The following ZHX1 variants were observed in gnomAD, a reference collection of about 807,000 sequenced individuals.
ZHX1 encodes the protein zinc fingers and homeoboxes protein 1.
A neutral mutation model predicts 61.8 loss-of-function variants in ZHX1; 20 were observed. The ratio of observed to expected loss-of-function variants is 0.32; its 90% CI spans 0.23 to 0.47. The LOEUF is 0.47. Ranked by LOEUF, ZHX1 falls within the 20% of genes least tolerant of loss-of-function variation. The probability of loss-of-function intolerance (pLI) is 1.00; values close to 1 mark genes in which losing one functional copy is unlikely to be tolerated. For synonymous variants in ZHX1, 318 were observed against 352.6 expected (o/e 0.90, Z 1.10); for missense variants, 800 against 1,034.8 (o/e 0.77, Z 3.11).
chr8:123,260,523 G>A (rs1226370732), intron 2 of ZHX1, among the ~76,000 whole-genome samples: 7 of 151,408 alleles, frequency 4.6e-5, no homozygotes, highest in African/African-American at 1.5e-4. Flanking sequence ...ACTTGAACTC[G>A]GGAGGTGGAG....
chr8:123,253,700 T>C lies in ZHX1; in HGVS notation c.2247A>G (p.Lys749=). The C allele has an allele frequency of 6.2e-7, 1 of 1,614,218 alleles. No homozygotes were observed. Among genetic ancestry groups the C allele is most frequent in the Non-Finnish European group, 8.5e-7 (1 of 1,180,020 alleles). ...CACGCGGTCTTCCTCTTCCCCGTCC[T>C]TTGGGTCTCCCTCTCCCTCTTTTCC... ...SLRKRGRGRP[K]GRGRGRPRGR... is the part of the protein sequence containing the mutation. Residue 749 remains lysine, a synonymous_variant, in exon 3 of 4, where the codon AAA becomes AAG. Transcript: ENST00000395571.
At chr8:123,266,267 A>G (rs1298918070) in intron 2 of ZHX1, among the ~76,000 whole-genome samples, 1 of 152,238 alleles carries the variant, frequency 6.6e-6, no homozygotes, top group Non-Finnish European at 1.5e-5. Context: ...AGTCTAACAC[A>G]AGAATGCTAT....
chr8:123,250,241 G>A lies in ZHX1; in HGVS notation c.*83C>T, dbSNP rs1825882262. ...GTGTATGCCCCAAAACGTTTTCAAT[G>A]TCATCAAAGATTGGGCAAATTCACA... On this transcript the variant is annotated 3_prime_UTR_variant, in exon 4 of 4. Coordinates refer to ENST00000395571, the MANE Select transcript of ZHX1 (RefSeq NM_007222.5). The A allele has an allele frequency of 2.2e-6, 1 of 453,854 alleles. No homozygotes were observed. Among genetic ancestry groups the A allele is most frequent in the South Asian group, 1.6e-5 (1 of 64,086 alleles). The allele number at this position is 453,854 out of a possible 1,614,324, so 28.1% of individuals were successfully genotyped here. A position where few individuals can be genotyped will look rare whatever the true frequency, so the allele number is the denominator to read the frequency against.
chr8:123,250,731 A>C (rs1825894244), intron 3 of ZHX1, among the ~76,000 whole-genome samples: 1 of 152,250 alleles, frequency 6.6e-6, no homozygotes, highest in African/African-American at 2.4e-5. Context: ...TAAATTGAAC[A>C]ATATTTAAAT....
chr8:123,264,994 G>A (rs1429884394), intron 2 of ZHX1, among the ~76,000 whole-genome samples: 1 of 150,426 alleles, frequency 6.6e-6, no homozygotes, highest in African/African-American at 2.4e-5. Context: ...TTTGAGACCA[G>A]CCTGGCCAAC....
rs1327228140 is a variant in ZHX1 at position 123,254,141 on chromosome 8, C to T, written c.1806G>A (p.Arg602=). Residue 602 remains arginine, a synonymous_variant, in exon 3 of 4, where the codon AGG becomes AGA. Transcript: ENST00000395571. This position sits in a 1 kb window ranked among gnomAD's most constrained non-coding sequence, Gnocchi z 4.1. ...CTCTTCTGGTAAGTTTGGTTTGTGC[C>T]CTTAACCTATTTAATTCTTCATCTG... ...VLTDEELNRL[R]AQTKLTRREI... is the part of the protein sequence containing the mutation. 4.3e-6 allele frequency: 7 copies of T among 1,614,060 alleles called. No homozygotes were observed. The South Asian group carries it at 7.7e-5, about 18-fold the overall frequency.
intron 2 of ZHX1, among the ~76,000 whole-genome samples, chr8:123,259,036 T>C (rs1194231423): frequency 6.6e-6 from 1 of 152,186 alleles, no homozygotes; most frequent in African/African-American, 2.4e-5. Context: ...AGAGACATTT[T>C]TAGGAAAGAG....
In ZHX1 at chr8:123,253,336, AT is replaced by A; in HGVS notation, c.2610del (p.Lys870AsnfsTer11). 6.2e-7 allele frequency: 1 copy of A among 1,607,784 alleles called. No individual in the cohort carries two copies. The highest frequency in any genetic ancestry group is 8.5e-7 in the Non-Finnish European group (1 of 1,178,524). Reference protein sequence around the residue: ...PPRHVKRKLSKSDD With the variant: ...PPRHVKRKLSXSDD ...TCTTAACTTACATTTCAGTCATCTG[AT>A]TTAGACAGCTTCCGTTTCACATGTC... On this transcript the variant is annotated frameshift_variant, in exon 3 of 4. Transcript: ENST00000395571. LOFTEE classifies it high-confidence loss of function.
chr8:123,254,411 A>G lies in ZHX1; in HGVS notation c.1536T>C (p.Phe512=). 6.2e-7 allele frequency: 1 copy of G among 1,614,156 alleles called. No homozygotes were observed. Among genetic ancestry groups the G allele is most frequent in the South Asian group, 1.1e-5 (1 of 91,080 alleles). ...TTCTCTGGTTGTACCTTGTGTCACT[A>G]AACCATTTTTTAATCTCTCCTTTCG... The part of the protein sequence containing the change: ...GLTKGEIKKW[F]SDTRYNQRNS... The change falls in exon 3 of 4, where the codon TTT becomes TTC. Residue 512 remains phenylalanine, a synonymous_variant. Transcript: ENST00000395571. This position sits in a 1 kb window ranked among gnomAD's most constrained non-coding sequence, Gnocchi z 4.1.
At chr8:123,273,539 A>C (rs1826731199) in intron 1 of ZHX1, among the ~76,000 whole-genome samples, 1 of 152,142 alleles carries the variant, frequency 6.6e-6, no homozygotes, top group Non-Finnish European at 1.5e-5. Context: ...CTCAACTCCC[A>C]GTCTTTCCCA....
chr8:123,251,045 G>GT lies in ZHX1; in HGVS notation c.*4-726dup, dbSNP rs199676950. Among the ~76,000 whole-genome samples the GT allele has an allele frequency of 6.0e-4, 92 of 152,294 alleles. 1 individual carries two copies. In the East Asian group the frequency reaches 0.017, roughly 28 times the overall value. On this transcript the variant is annotated intron_variant, in intron 3 of 3. Transcript: ENST00000395571. Reference sequence around the variant, plus strand: ...CCCATACATAACTTTTAATCAGGGAGTGTCGGGGGAGGGAGCCTGGTGGGA... The same window carrying GT: ...CCCATACATAACTTTTAATCAGGGAGTTGTCGGGGGAGGGAGCCTGGTGGGA...
chr8:123,261,549 A>G (rs1176496166), intron 2 of ZHX1, among the ~76,000 whole-genome samples: 2 of 152,240 alleles, frequency 1.3e-5, no homozygotes, highest in Non-Finnish European at 2.9e-5. Context: ...GCAGTGAAGC[A>G]AGGAAAGCAA....
At position 123,250,333 on chromosome 8, in the gene ZHX1, A is replaced by G. The variant is rs1825883892; in HGVS notation, c.*4-13T>C. 1 of 381,034 alleles carries G rather than the reference A, an allele frequency of 2.6e-6. No homozygotes were observed. The highest frequency in any genetic ancestry group is 1.8e-5 in the South Asian group (1 of 54,172). 23.6% of individuals were successfully genotyped at this position (381,034 alleles called of 1,614,324 possible). A position where few individuals can be genotyped will look rare whatever the true frequency, so the allele number is the denominator to read the frequency against. The stretch of plus-strand genomic sequence containing the variant: ...ACGTTTTAGGCAGCTAAAAAAGAAA[A>G]ACATCATAAAAAACTGAAAATTTAA... On this transcript the variant is annotated splice_polypyrimidine_tract_variant and intron_variant, in intron 3 of 3. Coordinates refer to ENST00000395571, the MANE Select transcript of ZHX1 (RefSeq NM_007222.5).
Position 123,256,039 on chromosome 8 carries a change from T to G in ZHX1, c.-93A>C. On this transcript the variant is annotated 5_prime_UTR_variant, in exon 3 of 4. Transcript: ENST00000395571. The stretch of plus-strand genomic sequence containing the variant: ...TTCATTTGAAAACAATGGCTTTTGG[T>G]TCTTCAAGTCCATTTTTGTGCTCAA... 1 of 1,245,612 alleles carries G rather than the reference T, an allele frequency of 8.0e-7. No homozygotes were observed. The highest frequency in any genetic ancestry group is 1.1e-6 in the Non-Finnish European group (1 of 908,956). The allele number at this position is 1,245,612 out of a possible 1,614,324, so 77.2% of individuals were successfully genotyped here.
At chr8:123,266,635 T>TA (rs1385588547) in intron 2 of ZHX1, among the ~76,000 whole-genome samples, 2 of 152,230 alleles carry the variant, frequency 1.3e-5, no homozygotes, top group East Asian at 3.9e-4. Context: ...TATATATATA[T>TA]TTTTTACGTC....
upstream of ZHX1, among the ~76,000 whole-genome samples, chr8:123,274,666 A>G (rs1355806461): frequency 2.0e-5 from 3 of 150,086 alleles, no homozygotes; most frequent in Non-Finnish European, 4.5e-5. Context: ...GCCCCCTGTC[A>G]GGAGACGCCC....
At chr8:123,274,927 G>T (rs1826798418), upstream of ZHX1, among the ~76,000 whole-genome samples, 1 of 152,136 alleles carries the variant, frequency 6.6e-6, no homozygotes, top group Non-Finnish European at 1.5e-5. Flanking sequence ...GCTGCTGCGA[G>T]TCCGGCCGGG....
intron 1 of ZHX1, among the ~76,000 whole-genome samples, chr8:123,270,785 C>CAAA (rs57900168): frequency 1.7e-5 from 1 of 57,982 alleles, no homozygotes; most frequent in Non-Finnish European, 3.8e-5. Flanking sequence ...GACCCCGTCT[C>CAAA]AAAAAAAAAA....
upstream of ZHX1, chr8:123,274,341 C>G (rs1268616054): frequency 6.6e-6 from 1 of 152,346 alleles, no homozygotes; most frequent in East Asian, 1.9e-4. Context: ...GGCGGGCCCG[C>G]AAAGGGGCCT....
Sources: allele counts gnomAD v4.1 joint callset (sites outside exome capture counted in the v4.1 genomes callset), GRCh38; gene constraint gnomAD v4.1.1; non-coding constraint Gnocchi (gnomAD v3.1); transcripts MANE v1.5; gene names NCBI Gene and HGNC (gene_info 2026-07-23, HGNC 2026-07-21).